A1CF: variants seen among roughly 807,000 people sequenced by gnomAD.
A1CF encodes the protein APOBEC1 complementation factor.
A1CF carries 48 observed loss-of-function variants against 68.9 expected under a neutral mutation model. The ratio of observed to expected loss-of-function variants is 0.70; its 90% confidence interval spans 0.55 to 0.89. A1CF has a LOEUF of 0.89. Among genes scored for constraint, A1CF ranks in the 40% least tolerant of loss-of-function variants. The pLI is 0.00. For missense variants in A1CF, 653 were observed against 718.9 expected, an observed-to-expected ratio of 0.91 and a Z score of 1.05; for synonymous variants, 272 against 260.4, an observed-to-expected ratio of 1.04 and a Z score of -0.43.
intron 1 of A1CF, among the ~76,000 whole-genome samples, chr10:50,874,743 T>G (rs1841428929): frequency 6.6e-6 from 1 of 152,192 alleles, no homozygotes; most frequent in Non-Finnish European, 1.5e-5. Flanking sequence ...TCTTAAAATA[T>G]TGTGCCACTA....
At chr10:50,859,783 A>G (rs1589030489) in intron 3 of A1CF, 59 bp downstream of exon 3, 7 of 1,485,858 alleles carry the variant, frequency 4.7e-6, no homozygotes, top group East Asian at 4.6e-5. Flanking sequence ...AGGACCTCCA[A>G]TATTCCCACC....
At chr10:50,831,345 T>G (rs893808746) in intron 6 of A1CF, among the ~76,000 whole-genome samples, 2 of 152,098 alleles carry the variant, frequency 1.3e-5, no homozygotes, top group African/African-American at 4.8e-5. Flanking sequence ...AAAAAAATAT[T>G]TACAAAGCAT....
At chr10:50,879,150 A>C (rs1417904348) in intron 1 of A1CF, among the ~76,000 whole-genome samples, 3 of 152,172 alleles carry the variant, frequency 2.0e-5, no homozygotes, top group African/African-American at 4.8e-5. Context: ...GAGTAACTCT[A>C]TTCAGGTTGG....
At chr10:50,836,746 G>A (rs1423625590) in intron 5 of A1CF, among the ~76,000 whole-genome samples, 1 of 135,120 alleles carries the variant, frequency 7.4e-6, no homozygotes, top group Admixed American at 8.7e-5. Context: ...GTGTCCAAGT[G>A]TTCTCATTGT....
chr10:50,845,376 A>T (rs1255316781), intron 3 of A1CF, among the ~76,000 whole-genome samples: 1 of 152,156 alleles, frequency 6.6e-6, no homozygotes, highest in Non-Finnish European at 1.5e-5. Flanking sequence ...GACATTAATG[A>T]GTTTTATTTA....
In A1CF at chr10:50,856,608, CCAA is replaced by C. The variant is rs755311242; in HGVS notation, c.99+3231_99+3233del. ...ACAACTCTCAGTTTTCTGAGTCTAA[CCAA>C]AAATTTTGGCCAATAACAACAGAAT... On this transcript the variant is annotated intron_variant, in intron 3 of 12. Coordinates refer to ENST00000373997, the MANE Select transcript of A1CF (RefSeq NM_014576.4). 1.1e-4 allele frequency among the ~76,000 whole-genome samples: 16 copies of C among 152,178 alleles called. No individual in the cohort carries two copies. In the East Asian group the frequency reaches 2.3e-3, roughly 22 times the overall value.
At chr10:50,843,382 G>C (rs1839863761) in intron 4 of A1CF, among the ~76,000 whole-genome samples, 1 of 152,158 alleles carries the variant, frequency 6.6e-6, no homozygotes, top group Admixed American at 6.5e-5. Context: ...TTCAGGCAGA[G>C]AGCTAAATTC....
chr10:50,851,741 T>G (rs563073038), intron 3 of A1CF, among the ~76,000 whole-genome samples: 1 of 152,320 alleles, frequency 6.6e-6, no homozygotes, highest in Non-Finnish European at 1.5e-5. Context: ...GAACTGAAAG[T>G]GGAATAATTC....
chr10:50,874,866 C>T (rs1841434100), intron 1 of A1CF, among the ~76,000 whole-genome samples: 1 of 152,178 alleles, frequency 6.6e-6, no homozygotes, highest in Admixed American at 6.6e-5. Context: ...GACTCCCTGC[C>T]TGGACTCATG....
At position 50,805,749 on chromosome 10, in the gene A1CF, T is replaced by C. The variant is rs1837787722; in HGVS notation, c.*980A>G. 6.6e-6 allele frequency: 1 copy of C among 152,230 alleles called. No homozygotes were observed. Among genetic ancestry groups the C allele is most frequent in the Non-Finnish European group, 1.5e-5 (1 of 68,038 alleles). 9.4% of individuals were successfully genotyped at this position (152,230 alleles called of 1,614,324 possible). A position where few individuals can be genotyped will look rare whatever the true frequency, so the allele number is the denominator to read the frequency against. On this transcript the variant is annotated 3_prime_UTR_variant, in exon 13 of 13. Coordinates refer to ENST00000373997, the MANE Select transcript of A1CF (RefSeq NM_014576.4). ...TCTGATTGCTAGATGGTGGGGTGGA[T>C]ACTGCAACAATATCAAAGAAATGAG...
intron 1 of A1CF, among the ~76,000 whole-genome samples, chr10:50,879,303 A>G (rs1212877774): frequency 6.6e-6 from 1 of 152,184 alleles, no homozygotes; most frequent in Non-Finnish European, 1.5e-5. Context: ...TCCAGGTAGG[A>G]GGTGCTATGT....
At chr10:50,852,262 G>A (rs1056721128) in intron 3 of A1CF, among the ~76,000 whole-genome samples, 1 of 152,168 alleles carries the variant, frequency 6.6e-6, no homozygotes. Context: ...GGCTATTCGA[G>A]GAGAAATTCA....
At chr10:50,860,192 C>CA (rs145675211) in intron 2 of A1CF, among the ~76,000 whole-genome samples, 5,300 of 150,106 alleles carry the variant, frequency 0.035, 245 homozygotes, top group African/African-American at 0.11. Context: ...AATTTAGAAA[C>CA]AAAAAAAAAT....
At chr10:50,884,570 G>T (rs1841921963) in intron 1 of A1CF, among the ~76,000 whole-genome samples, 1 of 152,176 alleles carries the variant, frequency 6.6e-6, no homozygotes, top group African/African-American at 2.4e-5. Flanking sequence ...CACATTTTTT[G>T]ATGCTCCTAA....
rs1837715605 is a variant in A1CF at position 50,804,002 on chromosome 10, T to G, written c.*2727A>C. ...ATTTTAAACTTATGGTAGCAGGACT[T>G]GCTCTATCTACCTAACTTGGGGAAA... On this transcript the variant is annotated 3_prime_UTR_variant, in exon 13 of 13. Coordinates refer to ENST00000373997, the MANE Select transcript of A1CF (RefSeq NM_014576.4). 6.6e-6 allele frequency: 1 copy of G among 152,194 alleles called. No homozygotes were observed. The allele number at this position is 152,194 out of a possible 1,614,324, so 9.4% of individuals were successfully genotyped here. A position where few individuals can be genotyped will look rare whatever the true frequency, so the allele number is the denominator to read the frequency against.
rs765539833 is a variant in A1CF at position 50,836,168 on chromosome 10, T to A, written c.510A>T (p.Pro170=). Residue 170 remains proline (P), a synonymous_variant, in exon 6 of 13, where the codon CCA becomes CCT. Transcript: ENST00000373997. ...TEGVVDVIVY[P]SAADKTKNRG... Reference sequence around the variant, plus strand: ...GGTTTTTGGTTTTATCTGCAGCGCTTGGGTAGACGATGACATCGACAACAC... The same window carrying A: ...GGTTTTTGGTTTTATCTGCAGCGCTAGGGTAGACGATGACATCGACAACAC... The A allele has an allele frequency of 6.2e-7, 1 of 1,613,990 alleles. No individual in the cohort carries two copies. Among genetic ancestry groups the A allele is most frequent in the Non-Finnish European group, 8.5e-7 (1 of 1,179,898 alleles).
intron 5 of A1CF, among the ~76,000 whole-genome samples, chr10:50,840,526 A>G (rs1454555310): frequency 6.6e-6 from 1 of 152,184 alleles, no homozygotes; most frequent in East Asian, 1.9e-4. Flanking sequence ...TTTAAGAAAG[A>G]ATTTATGACG....
intron 12 of A1CF, among the ~76,000 whole-genome samples, chr10:50,808,566 A>G (rs1837942944): frequency 6.6e-6 from 1 of 152,178 alleles, no homozygotes; most frequent in Admixed American, 6.5e-5. Context: ...GTTATGTGGA[A>G]AGCAAGCACT....
intron 1 of A1CF, among the ~76,000 whole-genome samples, chr10:50,873,708 A>G (rs1841377515): frequency 6.6e-6 from 1 of 152,166 alleles, no homozygotes; most frequent in Non-Finnish European, 1.5e-5. Flanking sequence ...GCGTAGGGCT[A>G]GCTGATGTTT....
Sources: gnomAD v4.1 joint callset for allele counts (sites outside exome capture counted in the v4.1 genomes callset) on GRCh38, gnomAD v4.1.1 for gene constraint, MANE v1.5 for transcripts, NCBI Gene and HGNC (gene_info 2026-07-23, HGNC 2026-07-21) for gene names.